WWOX: variants seen among roughly 807,000 people sequenced by gnomAD.
WWOX encodes the protein WW domain-containing oxidoreductase.
Under a neutral mutation model 46.2 loss-of-function variants are expected in WWOX, and 69 were observed. The ratio of observed to expected loss-of-function variants is 1.49; its 90% confidence interval spans 1.23 to 1.82. The LOEUF (loss-of-function observed/expected upper bound fraction) is 1.82. WWOX is among the 40% of genes most tolerant of loss of function. WWOX has a pLI of 0.00. For synonymous variants in WWOX, 359 were observed against 202.6 expected (o/e 1.77, Z -6.56); for missense variants, 919 against 542.6 (o/e 1.69, Z -6.89).
intron 8 of WWOX, among the ~76,000 whole-genome samples, chr16:78,560,099 C>G (rs4036010): frequency 3.9e-4 from 59 of 152,306 alleles, no homozygotes; most frequent in African/African-American, 1.3e-3. Context: ...TCTCCCGTCT[C>G]TGCAGTTCAG....
In WWOX at chr16:78,387,707, T is replaced by G. The variant is rs142635367; in HGVS notation, c.605+759T>G. On this transcript the variant is annotated intron_variant, in intron 6 of 8. Transcript: ENST00000566780. ...TTTGTTTCCAAGTGTTTATTTTTAC[T>G]CATATTTAGGGCAGGCAATCCTGGT... Among the ~76,000 whole-genome samples the G allele has an allele frequency of 4.7e-3, 719 of 152,240 alleles. 2 individuals carry two copies. Among genetic ancestry groups the G allele is most frequent in the South Asian group, 0.014 (66 of 4,822 alleles).
chr16:78,991,972 C>T (rs889595069), intron 8 of WWOX, among the ~76,000 whole-genome samples: 16 of 152,248 alleles, frequency 1.1e-4, no homozygotes, highest in African/African-American at 2.6e-4. Context: ...GATGCAGGGG[C>T]GAAATGAAAC....
chr16:78,213,224 C>CT (rs2151789864), intron 5 of WWOX, among the ~76,000 whole-genome samples: 1 of 143,094 alleles, frequency 7.0e-6, no homozygotes, highest in Non-Finnish European at 1.5e-5. Flanking sequence ...GTACTCTAGC[C>CT]TGGGTGACAG....
chr16:78,402,136 C>A (rs981686920), intron 6 of WWOX, among the ~76,000 whole-genome samples: 6 of 152,184 alleles, frequency 3.9e-5, no homozygotes, highest in African/African-American at 1.4e-4. Flanking sequence ...AGTTATTTTC[C>A]ATCGCTACTT....
At chr16:79,068,155 G>C (rs2048476710) in intron 8 of WWOX, among the ~76,000 whole-genome samples, 1 of 152,202 alleles carries the variant, frequency 6.6e-6, no homozygotes, top group South Asian at 2.1e-4. Flanking sequence ...AATCTGGTAA[G>C]AGTGATTGAG....
At chr16:78,352,408 G>C (rs1010281493) in intron 5 of WWOX, among the ~76,000 whole-genome samples, 1 of 152,190 alleles carries the variant, frequency 6.6e-6, no homozygotes, top group African/African-American at 2.4e-5. Flanking sequence ...CTTTCTGTAG[G>C]TTCTAGAAGA....
At chr16:79,080,805 A>G (rs758224033) in intron 8 of WWOX, among the ~76,000 whole-genome samples, 11 of 152,202 alleles carry the variant, frequency 7.2e-5, no homozygotes, top group Non-Finnish European at 1.3e-4. Context: ...CATCTCTAAA[A>G]GAATTTTTTA....
chr16:78,923,164 A>G (rs923078488), intron 8 of WWOX, among the ~76,000 whole-genome samples: 2 of 151,854 alleles, frequency 1.3e-5, no homozygotes, highest in Non-Finnish European at 2.9e-5. Context: ...TATTTTTAGT[A>G]GAGACGGGGT....
At chr16:78,825,753 G>C (rs892519879) in intron 8 of WWOX, 1 of 589,970 alleles carries the variant, frequency 1.7e-6, no homozygotes, top group Non-Finnish European at 3.2e-6. Context: ...ATGATCCCCA[G>C]CGGAGACCAT....
At chr16:78,143,962 G>A (rs1195895010) in intron 4 of WWOX, among the ~76,000 whole-genome samples, 1 of 151,892 alleles carries the variant, frequency 6.6e-6, no homozygotes, top group East Asian at 1.9e-4. Context: ...ACTTTTTGAA[G>A]CATAATTTAC....
chr16:78,852,679 G>T (rs1442015540), intron 8 of WWOX, among the ~76,000 whole-genome samples: 2 of 152,120 alleles, frequency 1.3e-5, no homozygotes, highest in Admixed American at 1.3e-4. Flanking sequence ...CTTCATTTTG[G>T]AGTAATTTGC....
intron 8 of WWOX, 26 bp downstream of exon 8, chr16:78,432,778 A>C (rs1396231540): frequency 1.2e-6 from 2 of 1,613,974 alleles, no homozygotes; most frequent in Non-Finnish European, 1.7e-6. Context: ...CTGGCGCCGC[A>C]AACACCTTGG....
At chr16:78,686,014 G>A (rs2047848274) in intron 8 of WWOX, among the ~76,000 whole-genome samples, 2 of 152,216 alleles carry the variant, frequency 1.3e-5, no homozygotes, top group East Asian at 1.9e-4. Flanking sequence ...AAAACAAAAG[G>A]GCAGGAAAGG....
chr16:78,278,259 A>G (rs1301116885), intron 5 of WWOX, among the ~76,000 whole-genome samples: 1 of 152,192 alleles, frequency 6.6e-6, no homozygotes, highest in African/African-American at 2.4e-5. Flanking sequence ...GTGACAGTCA[A>G]AATTACAGCT....
chr16:78,798,639 T>G (rs1365778171), intron 8 of WWOX, among the ~76,000 whole-genome samples: 2 of 151,524 alleles, frequency 1.3e-5, no homozygotes, highest in Non-Finnish European at 2.9e-5. Flanking sequence ...CCATATAGGT[T>G]TTTCTCGAAA....
intron 8 of WWOX, among the ~76,000 whole-genome samples, chr16:78,457,810 G>A (rs2083855511): frequency 6.6e-6 from 1 of 151,536 alleles, no homozygotes; most frequent in Admixed American, 6.6e-5. Flanking sequence ...CAGCTACTTG[G>A]GAGGCTGAGG....
At chr16:79,173,239 AG>A (rs1567597587) in intron 8 of WWOX, among the ~76,000 whole-genome samples, 15 of 152,092 alleles carry the variant, frequency 9.9e-5, no homozygotes, top group African/African-American at 3.6e-4. Context: ...GGGCCTCCTG[AG>A]GGGTGTGAGA....
intron 8 of WWOX, among the ~76,000 whole-genome samples, chr16:79,123,151 G>A (rs1107649): frequency 1.3e-5 from 2 of 152,032 alleles, no homozygotes; most frequent in African/African-American, 4.8e-5. Context: ...AAGCAACAGA[G>A]TACCCACTAG....
At chr16:78,356,895 A>C (rs2081306934) in intron 5 of WWOX, among the ~76,000 whole-genome samples, 1 of 152,206 alleles carries the variant, frequency 6.6e-6, no homozygotes, top group East Asian at 1.9e-4. Flanking sequence ...AAACAAACAA[A>C]AAAAAGTTCC....
Sources: gnomAD v4.1 joint callset for allele counts (sites outside exome capture counted in the v4.1 genomes callset) on GRCh38, gnomAD v4.1.1 for gene constraint, MANE v1.5 for transcripts, NCBI Gene and HGNC (gene_info 2026-07-23, HGNC 2026-07-21) for gene names.